Variants in SLC4A2 observed in about 807,000 individuals in gnomAD.
SLC4A2 encodes anion exchange protein 2.
SLC4A2 carries 36 observed loss-of-function variants against 115.0 expected under a neutral mutation model. That is an observed-to-expected ratio of 0.31 (90% CI 0.24 to 0.41). The LOEUF (loss-of-function observed/expected upper bound fraction) is 0.41. Among genes scored for constraint, SLC4A2 ranks in the 10% least tolerant of loss-of-function variants. The pLI, the probability that SLC4A2 is intolerant of heterozygous loss-of-function variation, is 1.00. For missense variants in SLC4A2, 1,252 were observed against 1,705.6 expected, an observed-to-expected ratio of 0.73 and a Z score of 4.68; for synonymous variants, 708 against 708.3, an observed-to-expected ratio of 1.00 and a Z score of 0.01.
intron 2 of SLC4A2, 50 bp from the exon 3 acceptor site, chr7:151,064,152 A>G (rs754461136): frequency 3.8e-6 from 6 of 1,591,426 alleles, no homozygotes; most frequent in South Asian, 1.1e-5. Context: ...GTTTCGGGGT[A>G]CAATTCCCAG....
chr7:151,074,870 G>A (rs1241275838), intron 19 of SLC4A2, 29 bp downstream of exon 19: 1 of 1,566,078 alleles, frequency 6.4e-7, no homozygotes. Context: ...AGGGGTGTGA[G>A]AGGCCAGAGC....
At position 151,074,815 on chromosome 7, in the gene SLC4A2, C is replaced by T. The variant is rs150346240; in HGVS notation, c.3021C>T (p.Leu1007=). 9.5e-5 allele frequency: 153 copies of T among 1,612,054 alleles called. No individual in the cohort carries two copies. Among genetic ancestry groups the T allele is most frequent in the Non-Finnish European group, 1.2e-4 (141 of 1,179,312 alleles). The change falls in exon 19 of 23, where the codon CTC becomes CTT. Residue 1007 remains leucine (L), a synonymous_variant. Coordinates refer to ENST00000413384, the MANE Select transcript of SLC4A2 (RefSeq NM_003040.4). Reference sequence around the variant, plus strand: ...TGCCCGCCATCCTGGTCTTCATTCTCATCTTCATGGAGACACAGATCACCA... The same window carrying T: ...TGCCCGCCATCCTGGTCTTCATTCTTATCTTCATGGAGACACAGATCACCA... ...SLLPAILVFI[L]IFMETQITTL...
chr7:151,062,623 G>T (rs1390891684), intron 2 of SLC4A2: 1 of 1,520,204 alleles, frequency 6.6e-7, no homozygotes, highest in South Asian at 1.2e-5. Flanking sequence ...TCCTTCTCAG[G>T]TTCACCCCTG....
intron 21 of SLC4A2, 52 bp downstream of exon 21, chr7:151,075,827 C>G: frequency 6.4e-7 from 1 of 1,560,798 alleles, no homozygotes; most frequent in Non-Finnish European, 8.7e-7. Context: ...CCATCCTGGT[C>G]TACTTGGGTC....
chr7:151,065,562 T>A (rs1315590596), intron 5 of SLC4A2, among the ~76,000 whole-genome samples: 7 of 152,196 alleles, frequency 4.6e-5, no homozygotes, highest in Non-Finnish European at 8.8e-5. Context: ...GACTTTGAAC[T>A]AGGTCTCAAG....
rs747408187 is a variant in SLC4A2 at position 151,066,922 on chromosome 7, A to G, written c.895A>G (p.Ser299Gly). ...GAAGAATGCCAAAGGTTCCACACAG[A>G]GTGGCCGAGAAGGGCGGGAGCCTGG... ...VRKNAKGSTQ[S>G]GREGREPGPT... The change falls in exon 7 of 23, where the codon AGT becomes GGT. Residue 299 changes from serine (S) to glycine (G), a missense_variant. Ser to Gly is a moderately conservative substitution (Grantham distance 56, BLOSUM62 0). Coordinates refer to ENST00000413384, the MANE Select transcript of SLC4A2 (RefSeq NM_003040.4). 4 of 1,613,510 alleles carry G rather than the reference A, an allele frequency of 2.5e-6. No homozygotes were observed. Among genetic ancestry groups the G allele is most frequent in the South Asian group, 2.2e-5 (2 of 91,054 alleles).
intron 20 of SLC4A2, 29 bp from the exon 21 acceptor site, chr7:151,075,577 G>A: frequency 6.3e-7 from 1 of 1,585,542 alleles, no homozygotes; most frequent in African/African-American, 1.3e-5. Context: ...GGACCCCGGG[G>A]CCAACTCTTT....
intron 2 of SLC4A2, chr7:151,062,481 C>A: frequency 7.5e-7 from 1 of 1,333,448 alleles, no homozygotes; most frequent in Non-Finnish European, 9.7e-7. Context: ...GGCCACCGCT[C>A]CACATGGCCC....
intron 2 of SLC4A2, chr7:151,062,805 A>G: frequency 1.5e-6 from 2 of 1,366,260 alleles, no homozygotes; most frequent in Non-Finnish European, 1.9e-6. Flanking sequence ...AGCCTTCCTC[A>G]CAGAGGGGAG....
chr7:151,066,171 A>G (rs555292462), intron 5 of SLC4A2, among the ~76,000 whole-genome samples: 15 of 152,320 alleles, frequency 9.8e-5, no homozygotes, highest in African/African-American at 3.4e-4. Flanking sequence ...TTTCTGCACC[A>G]GGACCTGCAC....
At chr7:151,062,635 C>G in intron 2 of SLC4A2, 1 of 1,522,478 alleles carries the variant, frequency 6.6e-7, no homozygotes, top group Non-Finnish European at 8.8e-7. Context: ...TCACCCCTGC[C>G]GGCCATGGAC....
intron 9 of SLC4A2, 46 bp from the exon 10 acceptor site, chr7:151,070,135 C>T (rs1340376526): frequency 6.2e-7 from 1 of 1,614,012 alleles, no homozygotes; most frequent in Admixed American, 1.7e-5. Context: ...CTGCCCTGGC[C>T]CTTGTCATTG....
intron 18 of SLC4A2, 43 bp from the exon 19 acceptor site, chr7:151,074,632 C>T: frequency 6.3e-7 from 1 of 1,578,272 alleles, no homozygotes; most frequent in Non-Finnish European, 8.6e-7. Flanking sequence ...ATGCCCTCCA[C>T]ATTCACCTTA....
chr7:151,067,064 G>A lies in SLC4A2; in HGVS notation c.966+71G>A. On this transcript the variant is annotated intron_variant, in intron 7 of 22. Coordinates refer to ENST00000413384, the MANE Select transcript of SLC4A2 (RefSeq NM_003040.4). ...CCTGCCCCTACCTCTCAGACCAGCT[G>A]TAATCTCAAGCCTCAGGGTTGCCAC... 2.8e-6 allele frequency: 4 copies of A among 1,442,360 alleles called. 1 individual carries two copies. The highest frequency in any genetic ancestry group is 2.7e-5 in the South Asian group (2 of 73,876). The allele number at this position is 1,442,360 out of a possible 1,614,324, so 89.3% of individuals were successfully genotyped here.
At chr7:151,063,188 AGGTGGGGGCTGTGGG>A in intron 2 of SLC4A2, 2 of 113,988 alleles carry the variant, frequency 1.8e-5, no homozygotes, top group Non-Finnish European at 2.3e-5. Flanking sequence ...AGGATGACTC[AGGTGGGGGCTGTGGG>A]GGTGGGGTGA....
At chr7:151,068,268 CGAGAAGCTATTT>C (rs1378306184) in intron 8 of SLC4A2, among the ~76,000 whole-genome samples, 10 of 152,194 alleles carry the variant, frequency 6.6e-5, no homozygotes, top group Non-Finnish European at 1.3e-4. Context: ...CGAAAATGTT[CGAGAAGCTATTT>C]AGATGTAAAG....
At chr7:151,063,264 T>TG in intron 2 of SLC4A2, 1 of 574,988 alleles carries the variant, frequency 1.7e-6, no homozygotes, top group East Asian at 5.0e-5. Flanking sequence ...GCCTGGGGGC[T>TG]GGGGGAGCTC....
Position 151,070,492 on chromosome 7 carries a change from C to T in SLC4A2, c.1485C>T (p.Ile495=). Residue 495 remains isoleucine (I), a synonymous_variant, in exon 11 of 23, where the codon ATC becomes ATT. Coordinates refer to ENST00000413384, the MANE Select transcript of SLC4A2 (RefSeq NM_003040.4). The part of the protein sequence containing the change: ...ELPPPAPPAG[I]TRSKSKHELK... ...CGCCTCCAGCACCACCAGCTGGCAT[C>T]ACCCGCTCCAAGTCCAAGCACGAGC... is the stretch of plus-strand genomic sequence containing the variant. 1 of 1,613,566 alleles carries T rather than the reference C, an allele frequency of 6.2e-7. No individual in the cohort carries two copies. The highest frequency in any genetic ancestry group is 8.5e-7 in the Non-Finnish European group (1 of 1,179,816).
At chr7:151,073,947 C>T (rs1267020994) in intron 16 of SLC4A2, 92 bp from the exon 17 acceptor site, 7 of 1,376,766 alleles carry the variant, frequency 5.1e-6, no homozygotes, top group Non-Finnish European at 5.9e-6. Context: ...CAGCCTTTCC[C>T]CTGCCCCACC....
Sources: allele counts gnomAD v4.1 joint callset (sites outside exome capture counted in the v4.1 genomes callset), GRCh38; gene constraint gnomAD v4.1.1; transcripts MANE v1.5; gene names NCBI Gene and HGNC (gene_info 2026-07-23, HGNC 2026-07-21).